LIPM: variants seen among roughly 807,000 people sequenced by gnomAD.
The protein encoded by LIPM is lipase family member M, also known as lipase member M.
Under a neutral mutation model 42.4 loss-of-function variants are expected in LIPM, and 42 were observed. That is an observed-to-expected ratio of 0.99 (90% CI 0.77 to 1.28). The LOEUF (loss-of-function observed/expected upper bound fraction) is 1.28, where lower values mean the gene tolerates loss of function less well. Among genes scored for constraint, LIPM ranks in the 50% most tolerant of loss-of-function variants. The pLI is 0.00. For missense variants in LIPM, 524 were observed against 520.1 expected (o/e 1.01, Z -0.07); for synonymous variants, 177 against 173.3 (o/e 1.02, Z -0.17).
intron 3 of LIPM, among the ~76,000 whole-genome samples, 174 bp from the exon 4 acceptor site, chr10:88,814,356 G>A (rs1439461812): frequency 1.3e-5 from 2 of 152,192 alleles, no homozygotes; most frequent in African/African-American, 4.8e-5. Context: ...TGACTCCAGA[G>A]GCACCCATGC....
chr10:88,810,796 G>T (rs779246441), intron 2 of LIPM, among the ~76,000 whole-genome samples: 2 of 152,136 alleles, frequency 1.3e-5, no homozygotes, highest in Admixed American at 6.5e-5. Context: ...CTTGTTAGGG[G>T]AATCACAAGA....
Position 88,809,784 on chromosome 10 carries a change from C to CT in LIPM, c.265+1378dup, listed in dbSNP as rs35806035. ...TACTTGTGTAGCTTTTTGAAACCACCTTTTTTTTTCTCACTAGCTGCACAG... is the reference window on the plus strand; with the variant it reads ...TACTTGTGTAGCTTTTTGAAACCACCTTTTTTTTTTCTCACTAGCTGCACAG... On this transcript the variant is annotated intron_variant, in intron 2 of 8. Transcript: ENST00000404743. Among the ~76,000 whole-genome samples the CT allele has an allele frequency of 1.7e-3, 255 of 151,764 alleles. 6 individuals carry two copies. Among genetic ancestry groups the CT allele is most frequent in the Admixed American group, 9.9e-3 (151 of 15,214 alleles).
At chr10:88,812,755 A>G (rs1843669563) in intron 2 of LIPM, among the ~76,000 whole-genome samples, 1 of 152,240 alleles carries the variant, frequency 6.6e-6, no homozygotes, top group Non-Finnish European at 1.5e-5. Context: ...TATACCATCT[A>G]CTGGGGCACT....
chr10:88,807,393 T>A (rs1350675164), intron 1 of LIPM, among the ~76,000 whole-genome samples: 1 of 152,250 alleles, frequency 6.6e-6, no homozygotes, highest in Non-Finnish European at 1.5e-5. Context: ...ATGTGATGTT[T>A]GGCCTTCTCT....
chr10:88,808,840 CA>C (rs551501719), intron 2 of LIPM, among the ~76,000 whole-genome samples: 2 of 152,118 alleles, frequency 1.3e-5, no homozygotes, highest in Non-Finnish European at 2.9e-5. Context: ...ATCTAAAGAG[CA>C]CTTAAAATAT....
chr10:88,816,530 G>A (rs931884941), intron 6 of LIPM, among the ~76,000 whole-genome samples: 6 of 152,180 alleles, frequency 3.9e-5, no homozygotes, highest in African/African-American at 9.6e-5. Context: ...TTGAATACAG[G>A]CCCAATGCTA....
At chr10:88,819,973 T>A in intron 8 of LIPM, among the ~76,000 whole-genome samples, 1 of 152,250 alleles carries the variant, frequency 6.6e-6, no homozygotes, top group East Asian at 1.9e-4. Flanking sequence ...TGTTTTTATG[T>A]GTTTTGTCAT....
chr10:88,820,188 A>G (rs1247586564), intron 8 of LIPM, 44 bp from the exon 9 acceptor site: 1 of 1,463,904 alleles, frequency 6.8e-7, no homozygotes, highest in Non-Finnish European at 9.1e-7. Flanking sequence ...TGAGCCTGAA[A>G]GTCCAAATGT....
At chr10:88,807,338 C>T (rs1298024382) in intron 1 of LIPM, among the ~76,000 whole-genome samples, 5 of 152,194 alleles carry the variant, frequency 3.3e-5, no homozygotes, top group Admixed American at 6.5e-5. Context: ...CAGGAGCTTT[C>T]TCCTAATGAC....
At position 88,817,735 on chromosome 10, in the gene LIPM, G is replaced by A. The variant is rs922881567; in HGVS notation, c.931-90G>A. The A allele has an allele frequency of 6.4e-5, 52 of 814,764 alleles. No individual in the cohort carries two copies. In the African/African-American group the frequency reaches 8.5e-4, roughly 13 times the overall value. 50.5% of individuals were successfully genotyped at this position (814,764 alleles called of 1,614,324 possible). A position where few individuals can be genotyped will look rare whatever the true frequency, so the allele number is the denominator to read the frequency against. ...AACCATTGCTCTCTCCTTCCCTCAT[G>A]AGTGCACACTGGGTAGCACATTTCC... is the stretch of plus-strand genomic sequence containing the variant. On this transcript the variant is annotated intron_variant, in intron 7 of 8. Transcript: ENST00000404743.
At chr10:88,819,324 A>G (rs779542001) in intron 8 of LIPM, among the ~76,000 whole-genome samples, 2 of 152,194 alleles carry the variant, frequency 1.3e-5, no homozygotes, top group Non-Finnish European at 2.9e-5. Context: ...GAATCACAGA[A>G]ACTCAGAGCG....
intron 8 of LIPM, among the ~76,000 whole-genome samples, chr10:88,819,013 G>T (rs539948394): frequency 6.6e-6 from 1 of 151,804 alleles, no homozygotes; most frequent in Non-Finnish European, 1.5e-5. Flanking sequence ...TCAGCCTCCC[G>T]AGTAGCTGGG....
chr10:88,814,781 C>A, intron 4 of LIPM, 142 bp downstream of exon 4: 1 of 680,368 alleles, frequency 1.5e-6, no homozygotes, highest in Non-Finnish European at 2.6e-6. Context: ...AGCAATGTGT[C>A]TAGCATATAG....
intron 1 of LIPM, among the ~76,000 whole-genome samples, chr10:88,806,898 C>A (rs1424194591): frequency 1.3e-5 from 2 of 152,050 alleles, no homozygotes; most frequent in Non-Finnish European, 2.9e-5. Context: ...ACCATGTTGG[C>A]CAGGATGGTC....
At position 88,820,213 on chromosome 10, in the gene LIPM, A is replaced by C; in HGVS notation, c.1003-19A>C. 6.5e-7 allele frequency: 1 copy of C among 1,538,032 alleles called. No homozygotes were observed. The highest frequency in any genetic ancestry group is 8.8e-7 in the Non-Finnish European group (1 of 1,140,900). On this transcript the variant is annotated intron_variant, in intron 8 of 8. Coordinates refer to ENST00000404743, the MANE Select transcript of LIPM (RefSeq NM_001128215.1). ...AGTCCAAATGTTACCTAGAGTTAAG[A>C]ACTATTCCTTTTCTCTAGCCAACTC...
chr10:88,812,970 C>A, intron 2 of LIPM, 127 bp from the exon 3 acceptor site: 1 of 767,258 alleles, frequency 1.3e-6, no homozygotes, highest in Non-Finnish European at 2.1e-6. Context: ...GCCAAGATAA[C>A]TAAGCTAGCA....
At position 88,802,793 on chromosome 10, in the gene LIPM, A is replaced by G; in HGVS notation, c.-104A>G. 6.7e-6 allele frequency: 8 copies of G among 1,195,604 alleles called. No homozygotes were observed. Among genetic ancestry groups the G allele is most frequent in the Non-Finnish European group, 9.2e-6 (8 of 866,728 alleles). The allele number at this position is 1,195,604 out of a possible 1,614,324, so 74.1% of individuals were successfully genotyped here. A position where few individuals can be genotyped will look rare whatever the true frequency, so the allele number is the denominator to read the frequency against. On this transcript the variant is annotated 5_prime_UTR_variant, in exon 1 of 9. Transcript: ENST00000404743. ...ATTTGCTTCAGAATTGGAAGAGGGA[A>G]TTGCAGCAGGAAAATATGTGAAGAG... is the stretch of plus-strand genomic sequence containing the variant.
At chr10:88,806,494 A>G (rs1480826163) in intron 1 of LIPM, among the ~76,000 whole-genome samples, 1 of 152,032 alleles carries the variant, frequency 6.6e-6, no homozygotes, top group Non-Finnish European at 1.5e-5. Context: ...TAACTCCCCA[A>G]ATAGTTGACA....
intron 1 of LIPM, among the ~76,000 whole-genome samples, chr10:88,806,543 T>C (rs1163591101): frequency 6.6e-6 from 1 of 152,208 alleles, no homozygotes. Context: ...ATCAGCAACA[T>C]CTGCTTTGCC....
Sources: allele counts gnomAD v4.1 joint callset (sites outside exome capture counted in the v4.1 genomes callset), GRCh38; gene constraint gnomAD v4.1.1; transcripts MANE v1.5; gene names NCBI Gene and HGNC (gene_info 2026-07-23, HGNC 2026-07-21).